Variants in CYP27C1 observed in about 807,000 individuals in gnomAD.
CYP27C1 encodes cytochrome P450 family 27 subfamily C member 1.
Under a neutral mutation model 40.6 loss-of-function variants are expected in CYP27C1, and 29 were observed. The observed-to-expected ratio is 0.71, with a 90% CI of 0.53 to 0.97. CYP27C1 has a LOEUF of 0.97. CYP27C1 is among the 50% of genes least tolerant of loss of function. The probability of loss-of-function intolerance (pLI) is 0.00; values close to 1 mark genes in which losing one functional copy is unlikely to be tolerated. For synonymous variants in CYP27C1, 198 were observed against 186.8 expected (o/e 1.06, Z -0.49); for missense variants, 390 against 485.8 (o/e 0.80, Z 1.85).
rs929455573 is a variant in CYP27C1, at chr2:127,186,507, T to A, written c.*764A>T. The A allele has an allele frequency of 1.3e-5, 2 of 152,032 alleles. No individual in the cohort carries two copies. Among genetic ancestry groups the A allele is most frequent in the African/African-American group, 4.8e-5 (2 of 41,382 alleles). The allele number at this position is 152,032 out of a possible 1,614,324, so 9.4% of individuals were successfully genotyped here. A position where few individuals can be genotyped will look rare whatever the true frequency, so the allele number is the denominator to read the frequency against. On this transcript the variant is annotated 3_prime_UTR_variant, in exon 9 of 9. Coordinates refer to ENST00000664447, the MANE Select transcript of CYP27C1 (RefSeq NM_001367502.1). The surrounding 1 kb of genome is among the most constrained non-coding windows in gnomAD (Gnocchi z 4.5). ...GACCCAACCTCCTGAGCTCAAACGA[T>A]CCTCCTGCCTCAGTCTTCCGAGTAA...
At chr2:127,202,038 T>A (rs1016993571) in intron 3 of CYP27C1, among the ~76,000 whole-genome samples, 11 of 151,388 alleles carry the variant, frequency 7.3e-5, no homozygotes, top group Admixed American at 2.6e-4. Context: ...AAGCTTTTTT[T>A]AAAAAAGATG....
In CYP27C1 at chr2:127,200,119, A is replaced by G. The variant is rs1682999657; in HGVS notation, c.884-580T>C. Among the ~76,000 whole-genome samples the G allele has an allele frequency of 6.6e-6, 1 of 152,190 alleles. No individual in the cohort carries two copies. Among genetic ancestry groups the G allele is most frequent in the South Asian group, 2.1e-4 (1 of 4,832 alleles). ...CTCAGCCTCCCAAGTAGCTGGAATT[A>G]CAGGCACGCGCCACCACGCCCAGCT... On this transcript the variant is annotated intron_variant, in intron 4 of 8. Transcript: ENST00000664447. This position sits in a 1 kb window ranked among gnomAD's most constrained non-coding sequence, Gnocchi z 4.2.
chr2:127,206,946 T>C (rs1683240078), intron 1 of CYP27C1, among the ~76,000 whole-genome samples: 1 of 152,232 alleles, frequency 6.6e-6, no homozygotes, highest in Admixed American at 6.5e-5. Context: ...TTAGAACTAA[T>C]AAACAAGTTC....
intron 8 of CYP27C1, among the ~76,000 whole-genome samples, chr2:127,191,507 G>A (rs143074575): frequency 5.8e-4 from 88 of 152,254 alleles, no homozygotes; most frequent in African/African-American, 1.8e-3. Flanking sequence ...GTGGCTGCGG[G>A]AGGCACAGCA....
intron 1 of CYP27C1, among the ~76,000 whole-genome samples, chr2:127,211,124 C>A (rs1683326848): frequency 6.6e-6 from 1 of 151,988 alleles, no homozygotes; most frequent in African/African-American, 2.4e-5. Flanking sequence ...TACTCCTCAG[C>A]AAGTGCAAAA....
chr2:127,204,516 GGAAAGAAA>G (rs1270089247), intron 2 of CYP27C1, among the ~76,000 whole-genome samples: 41 of 55,918 alleles, frequency 7.3e-4, no homozygotes, highest in Middle Eastern at 0.022. Context: ...AAAGAAAGAA[GGAAAGAAA>G]GAAAGAAAGA....
chr2:127,219,491 CTCTCTCGGGCTA>C lies in CYP27C1; in HGVS notation c.282+486_282+497del, dbSNP rs1683505696. Among the ~76,000 whole-genome samples the C allele has an allele frequency of 6.6e-6, 1 of 151,998 alleles. No individual in the cohort carries two copies. The highest frequency in any genetic ancestry group is 1.5e-5 in the Non-Finnish European group (1 of 67,970). The stretch of plus-strand genomic sequence containing the variant: ...AGTCCCTGGAGACCCTGCCCGCCGC[CTCTCTCGGGCTA>C]CCACTCTCCGAAACTCCATCCCTGA... On this transcript the variant is annotated intron_variant, in intron 1 of 8. Transcript: ENST00000664447. The surrounding 1 kb of genome is among the most constrained non-coding windows in gnomAD (Gnocchi z 8.7).
In CYP27C1 at chr2:127,200,978, C is replaced by T. The variant is rs1474735195; in HGVS notation, c.883+144G>A. ...ACTCCGTCTCAAAAAAAAAAAAAAT[C>T]CAAAAGTTATGGGTCCAAAAACTAA... On this transcript the variant is annotated intron_variant, in intron 4 of 8. Coordinates refer to ENST00000664447, the MANE Select transcript of CYP27C1 (RefSeq NM_001367502.1). This position sits in a 1 kb window ranked among gnomAD's most constrained non-coding sequence, Gnocchi z 4.2. 12 of 834,196 alleles carry T rather than the reference C, an allele frequency of 1.4e-5. No individual in the cohort carries two copies. The highest frequency in any genetic ancestry group is 1.7e-5 in the Non-Finnish European group (9 of 531,370). 51.7% of individuals were successfully genotyped at this position (834,196 alleles called of 1,614,324 possible).
rs190264589 is a variant in CYP27C1 at position 127,190,939 on chromosome 2, C to G, written c.1497+2155G>C. Among the ~76,000 whole-genome samples, 399 of 98,656 alleles carry G rather than the reference C, an allele frequency of 4.0e-3. 4 individuals are homozygous for G. The highest frequency in any genetic ancestry group is 0.016 in the African/African-American group (372 of 23,820). The allele number at this position is 98,656 out of a possible 152,430, so 64.7% of individuals were successfully genotyped here. On this transcript the variant is annotated intron_variant, in intron 8 of 8. Coordinates refer to ENST00000664447, the MANE Select transcript of CYP27C1 (RefSeq NM_001367502.1). The stretch of plus-strand genomic sequence containing the variant: ...CCAGCCTGGGTGACAGGGTGAGACT[C>G]TGAAAAAAAAAAAAAAAAATCATGG...
Position 127,208,421 on chromosome 2 carries a change from C to T in CYP27C1, c.283-2331G>A, listed in dbSNP as rs1683274197. On this transcript the variant is annotated intron_variant, in intron 1 of 8. Coordinates refer to ENST00000664447, the MANE Select transcript of CYP27C1 (RefSeq NM_001367502.1). This position sits in a 1 kb window ranked among gnomAD's most constrained non-coding sequence, Gnocchi z 5.2. ...TCGAACCCATGCCACCAGAGCCAAG[C>T]ATCCCAACCCTGGTATGCACAGATT... Among the ~76,000 whole-genome samples the T allele has an allele frequency of 6.6e-6, 1 of 152,208 alleles. No homozygotes were observed.
At chr2:127,191,924 G>A (rs1026090446) in intron 8 of CYP27C1, among the ~76,000 whole-genome samples, 2 of 152,176 alleles carry the variant, frequency 1.3e-5, no homozygotes, top group African/African-American at 4.8e-5. Context: ...AGCCAGCCCT[G>A]AGCCAGTGGG....
At chr2:127,205,080 A>G (rs1178475760) in intron 2 of CYP27C1, among the ~76,000 whole-genome samples, 1 of 152,190 alleles carries the variant, frequency 6.6e-6, no homozygotes, top group African/African-American at 2.4e-5. Context: ...AGAGGGGTCC[A>G]GGCACCCACA....
In CYP27C1 at chr2:127,199,381, C is replaced by T. The variant is rs770943229; in HGVS notation, c.1042G>A (p.Asp348Asn). The T allele has an allele frequency of 3.1e-6, 5 of 1,613,940 alleles. No homozygotes were observed. Among genetic ancestry groups the T allele is most frequent in the East Asian group, 2.2e-5 (1 of 44,872 alleles). ...NVTEMLLAGV[D>N]TTSFTLSWTV... ...AACAGGACCCCCAGACTCACCGTGT[C>T]GACGCCGGCCAGCAGCATCTCAGTC... The change falls in exon 5 of 9, where the codon GAC (aspartate) becomes AAC (asparagine). Residue 348 changes from aspartate (D) to asparagine (N), a missense_variant. By Grantham distance (23) the Asp-to-Asn change is conservative. Coordinates refer to ENST00000664447, the MANE Select transcript of CYP27C1 (RefSeq NM_001367502.1).
At chr2:127,204,987 G>A (rs1220231957) in intron 2 of CYP27C1, among the ~76,000 whole-genome samples, 1 of 152,168 alleles carries the variant, frequency 6.6e-6, no homozygotes. Context: ...AAGCCAGCCC[G>A]GCGCCTGGGC....
chr2:127,202,688 G>T (rs1683065653), intron 3 of CYP27C1, among the ~76,000 whole-genome samples: 1 of 152,112 alleles, frequency 6.6e-6, no homozygotes, highest in Non-Finnish European at 1.5e-5. Context: ...GAATGAGTTT[G>T]AAGTAGATGC....
At position 127,200,971 on chromosome 2, in the gene CYP27C1, A is replaced by G; in HGVS notation, c.883+151T>C. 1.2e-6 allele frequency: 1 copy of G among 831,614 alleles called. No homozygotes were observed. Among genetic ancestry groups the G allele is most frequent in the East Asian group, 2.5e-5 (1 of 40,398 alleles). The allele number at this position is 831,614 out of a possible 1,614,324, so 51.5% of individuals were successfully genotyped here. ...GAGCCAGACTCCGTCTCAAAAAAAAAAAAAATCCAAAAGTTATGGGTCCAA... is the reference window on the plus strand; with the variant it reads ...GAGCCAGACTCCGTCTCAAAAAAAAGAAAAATCCAAAAGTTATGGGTCCAA... On this transcript the variant is annotated intron_variant, in intron 4 of 8. Transcript: ENST00000664447. This position sits in a 1 kb window ranked among gnomAD's most constrained non-coding sequence, Gnocchi z 4.2.
intron 1 of CYP27C1, among the ~76,000 whole-genome samples, chr2:127,210,855 G>T (rs1683322660): frequency 6.6e-6 from 1 of 152,128 alleles, no homozygotes; most frequent in Admixed American, 6.5e-5. Flanking sequence ...GAAGCACCCA[G>T]ATTCATAAAA....
At chr2:127,187,732 T>A (rs1001056849) in intron 8 of CYP27C1, among the ~76,000 whole-genome samples, 2 of 152,156 alleles carry the variant, frequency 1.3e-5, no homozygotes, top group Non-Finnish European at 2.9e-5. Flanking sequence ...GAAGAAGGCA[T>A]CAAAGGAGCA....
chr2:127,198,209 A>ACACACACACACACG (rs1553502571), intron 5 of CYP27C1, among the ~76,000 whole-genome samples: 1 of 151,746 alleles, frequency 6.6e-6, no homozygotes. Context: ...ACACACACAC[A>ACACACACACACACG]CACACGCACT....
Sources: gnomAD v4.1 joint callset for allele counts (sites outside exome capture counted in the v4.1 genomes callset) on GRCh38, gnomAD v4.1.1 for gene constraint, Gnocchi (gnomAD v3.1) non-coding constraint, MANE v1.5 for transcripts, NCBI Gene and HGNC (gene_info 2026-07-23, HGNC 2026-07-21) for gene names.